Variants in P2RX5 observed in about 807,000 individuals in gnomAD.
P2RX5 encodes purinergic receptor P2X 5.
A neutral mutation model predicts 54.1 loss-of-function variants in P2RX5; 46 were observed. The ratio of observed to expected loss-of-function variants is 0.85; its 90% CI spans 0.67 to 1.09. P2RX5 has a LOEUF of 1.09. Among genes scored for constraint, P2RX5 ranks in the 50% least tolerant of loss-of-function variants. P2RX5 has a pLI of 0.00. For missense variants in P2RX5, 566 were observed against 549.8 expected (o/e 1.03, Z -0.29); for synonymous variants, 226 against 226.4 (o/e 1.00, Z 0.02).
At chr17:3,721,846 G>C in the P2RX5 span, 1 of 151,938 alleles carries the variant, frequency 6.6e-6, no homozygotes, top group Non-Finnish European at 1.5e-5. Context: ...AGGAGTTCAA[G>C]ACCAGCCTGA....
intron 3 of P2RX5, 127 bp from the exon 4 acceptor site, chr17:3,690,807 C>T (rs1490094263): frequency 1.4e-5 from 16 of 1,159,040 alleles, no homozygotes; most frequent in Non-Finnish European, 1.8e-5. Flanking sequence ...CCTACTTCTC[C>T]CCCATATAAT....
rs200387948 is a variant in P2RX5, at chr17:3,688,777, G to A, written c.754-18C>T. ...ACGCCACCCTTGATAAAAGAGAGAT[G>A]AGGGTCAGCACACACAGCTTTCCGG... On this transcript the variant is annotated intron_variant, in intron 7 of 11. Coordinates refer to ENST00000225328, the MANE Select transcript of P2RX5 (RefSeq NM_002561.4). 2 of 1,613,718 alleles carry A rather than the reference G, an allele frequency of 1.2e-6. No homozygotes were observed. The highest frequency in any genetic ancestry group is 2.7e-5 in the African/African-American group (2 of 75,058).
rs557520694 is a variant in P2RX5, at chr17:3,676,254, G to A, written c.1260-2377C>T. ...CTAGTCAGCTCCCAAGCCCAACATC[G>A]AAACGTACTTCATGTCCATTTTTGA... On this transcript the variant is annotated intron_variant, in intron 11 of 11. Coordinates refer to ENST00000225328, the MANE Select transcript of P2RX5 (RefSeq NM_002561.4). 195 of 985,412 alleles carry A rather than the reference G, an allele frequency of 2.0e-4. 3 individuals are homozygous for A. In the South Asian group the frequency reaches 7.7e-3, roughly 39 times the overall value. 61.0% of individuals were successfully genotyped at this position (985,412 alleles called of 1,614,324 possible).
In P2RX5 at chr17:3,676,079, G is replaced by A. The variant is rs147464446; in HGVS notation, c.1260-2202C>T. The A allele has an allele frequency of 2.2e-4, 217 of 985,416 alleles. No individual in the cohort carries two copies. In the African/African-American group the frequency reaches 3.5e-3, roughly 16 times the overall value. 61.0% of individuals were successfully genotyped at this position (985,416 alleles called of 1,614,324 possible). A position where few individuals can be genotyped will look rare whatever the true frequency, so the allele number is the denominator to read the frequency against. On this transcript the variant is annotated intron_variant, in intron 11 of 11. Transcript: ENST00000225328. The stretch of plus-strand genomic sequence containing the variant: ...CCAAAGAGGATGCTTCCAGGGAGCC[G>A]CCCAGACAGCACTGGGACTGGTTGA...
At chr17:3,723,645 G>A in the P2RX5 span, 5 of 1,527,732 alleles carry the variant, frequency 3.3e-6, no homozygotes, top group Non-Finnish European at 3.5e-6. Context: ...ACCCGCTTCA[G>A]GCCCTCCGCC....
At chr17:3,677,903 C>T in intron 11 of P2RX5, 1 of 985,386 alleles carries the variant, frequency 1.0e-6, no homozygotes, top group Non-Finnish European at 1.2e-6. Flanking sequence ...CATTGGGAGG[C>T]TCCCCTCCTC....
At chr17:3,676,668 C>T (rs1379613998) in intron 11 of P2RX5, 1 of 897,554 alleles carries the variant, frequency 1.1e-6, no homozygotes, top group African/African-American at 1.8e-5. Context: ...ACACAGATCA[C>T]CTTGGAATCT....
the P2RX5 span, chr17:3,717,665 T>C: frequency 6.6e-6 from 1 of 151,972 alleles, no homozygotes; most frequent in Non-Finnish European, 1.5e-5. Flanking sequence ...TTTGGAGAGG[T>C]TTCTGTACGG....
chr17:3,677,508 G>A (rs1386910915), intron 11 of P2RX5: 1 of 985,292 alleles, frequency 1.0e-6, no homozygotes, highest in Non-Finnish European at 1.2e-6. Flanking sequence ...TATCCTTGGG[G>A]CAAGCCCAAA....
intron 1 of P2RX5, among the ~76,000 whole-genome samples, chr17:3,694,616 C>G (rs571859346): frequency 1.4e-3 from 207 of 152,340 alleles, no homozygotes; most frequent in Non-Finnish European, 2.4e-3. Flanking sequence ...GAGAGCCCCC[C>G]CTGAGACCCC....
chr17:3,721,767 C>T, the P2RX5 span: 3 of 151,744 alleles, frequency 2.0e-5, no homozygotes, highest in African/African-American at 7.3e-5. Context: ...CACGTGTGGC[C>T]GGGTGTGGTG....
rs1256536887 is a variant in P2RX5 at position 3,673,872 on chromosome 17, G to T, written c.1265C>A (p.Thr422Lys). The T allele has an allele frequency of 6.2e-7, 1 of 1,612,590 alleles. No individual in the cohort carries two copies. The highest frequency in any genetic ancestry group is 8.5e-7 in the Non-Finnish European group (1 of 1,179,622). ...CTGAACGTAAGCAGAGGCAATTCAC[G>T]TGCTCCTGGAATATCAGAACAGAAA... ...CPQLLEPHRS[T>K] The change falls in exon 12 of 12, where the codon ACG becomes AAG. Residue 422 changes from threonine to lysine, a missense_variant. Transcript: ENST00000225328.
At chr17:3,694,017 G>A (rs1172455328) in intron 1 of P2RX5, among the ~76,000 whole-genome samples, 2 of 151,678 alleles carry the variant, frequency 1.3e-5, no homozygotes, top group African/African-American at 2.4e-5. Context: ...CAGCCACCGC[G>A]GTCTCCTCTC....
chr17:3,689,651 G>A (rs2050545996), intron 6 of P2RX5, 21 bp from the exon 7 acceptor site: 1 of 1,613,984 alleles, frequency 6.2e-7, no homozygotes, highest in South Asian at 1.1e-5. Context: ...GCCATGGGCA[G>A]CCGAGAAATG....
In P2RX5 at chr17:3,690,162, C is replaced by G. The variant is rs765964939; in HGVS notation, c.534-12G>C. ...TCAGGAATGGCTCCCTGAAAACCAA[C>G]CCAGAACAGCCTGTCCAGGAGGCCC... is the stretch of plus-strand genomic sequence containing the variant. On this transcript the variant is annotated splice_polypyrimidine_tract_variant and intron_variant, in intron 5 of 11. Transcript: ENST00000225328. 1 of 1,612,692 alleles carries G rather than the reference C, an allele frequency of 6.2e-7. No homozygotes were observed. The highest frequency in any genetic ancestry group is 8.5e-7 in the Non-Finnish European group (1 of 1,178,670).
At chr17:3,691,883 G>A in intron 1 of P2RX5, 89 bp from the exon 2 acceptor site, 5 of 1,355,234 alleles carry the variant, frequency 3.7e-6, no homozygotes, top group Non-Finnish European at 5.3e-6. Flanking sequence ...AGCAGTCACA[G>A]CAACTCCTAG....
intron 11 of P2RX5, among the ~76,000 whole-genome samples, chr17:3,679,331 G>A (rs1415135877): frequency 6.6e-6 from 1 of 152,184 alleles, no homozygotes; most frequent in Non-Finnish European, 1.5e-5. Flanking sequence ...GGAGCAGCGC[G>A]CTGTTATCAT....
At chr17:3,684,251 C>T (rs1336075855) in intron 9 of P2RX5, among the ~76,000 whole-genome samples, 23 of 152,262 alleles carry the variant, frequency 1.5e-4, no homozygotes, top group Non-Finnish European at 3.1e-4. Context: ...TGCTCCATCA[C>T]AACTGCAGGG....
chr17:3,711,175 C>G, the P2RX5 span, among the ~76,000 whole-genome samples: 1 of 152,138 alleles, frequency 6.6e-6, no homozygotes, highest in Non-Finnish European at 1.5e-5. Flanking sequence ...CATGTGCTTT[C>G]TGTTCTCCTT....
Sources: allele counts gnomAD v4.1 joint callset (sites outside exome capture counted in the v4.1 genomes callset), GRCh38; gene constraint gnomAD v4.1.1; transcripts MANE v1.5; gene names NCBI Gene and HGNC (gene_info 2026-07-23, HGNC 2026-07-21).